RILPL1: variants seen among roughly 807,000 people sequenced by gnomAD.
RILPL1 encodes the protein Rab interacting lysosomal protein like 1.
RILPL1 carries 33 observed loss-of-function variants against 50.3 expected under a neutral mutation model. The ratio of observed to expected loss-of-function variants is 0.66; its 90% CI spans 0.50 to 0.88. The LOEUF (loss-of-function observed/expected upper bound fraction) is 0.88. RILPL1 is among the 40% of genes least tolerant of loss of function. The pLI, the probability that RILPL1 is intolerant of heterozygous loss-of-function variation, is 0.00. For synonymous variants in RILPL1, 205 were observed against 228.6 expected (o/e 0.90, Z 0.93); for missense variants, 418 against 542.5 (o/e 0.77, Z 2.28).
chr12:123,484,984 A>T (rs571426663), intron 5 of RILPL1: 3 of 368,036 alleles, frequency 8.2e-6, no homozygotes, highest in Admixed American at 6.2e-5. Context: ...CATCCAGTAT[A>T]CAGTCAGTAA....
intron 6 of RILPL1, chr12:123,475,518 C>T (rs539655080): frequency 1.5e-6 from 1 of 648,852 alleles, no homozygotes; most frequent in South Asian, 1.7e-5. Flanking sequence ...TGAAATCACA[C>T]TCAACATCCA....
At chr12:123,508,693 C>A (rs771230944) in intron 2 of RILPL1, among the ~76,000 whole-genome samples, 5 of 152,012 alleles carry the variant, frequency 3.3e-5, no homozygotes, top group Non-Finnish European at 5.9e-5. Context: ...TCACTTCACT[C>A]TAAGTTATAC....
At chr12:123,523,725 T>C (rs1885153045) in intron 1 of RILPL1, 80 bp from the exon 2 acceptor site, 4 of 1,508,678 alleles carry the variant, frequency 2.7e-6, no homozygotes, top group Admixed American at 4.6e-5. Context: ...CAGGGGCAGC[T>C]TGGGTTGCTG....
intron 4 of RILPL1, among the ~76,000 whole-genome samples, chr12:123,487,445 T>C (rs1391008368): frequency 1.3e-5 from 2 of 152,132 alleles, no homozygotes. Context: ...TAGCTGGGAA[T>C]ACAGGCACCC....
At chr12:123,483,317 G>A (rs1882120650) in intron 6 of RILPL1, among the ~76,000 whole-genome samples, 1 of 152,192 alleles carries the variant, frequency 6.6e-6, no homozygotes, top group African/African-American at 2.4e-5. Context: ...CCTCTTATTA[G>A]CTGAATGACC....
chr12:123,525,550 A>C (rs1885219221), intron 1 of RILPL1, among the ~76,000 whole-genome samples: 1 of 151,052 alleles, frequency 6.6e-6, no homozygotes, highest in Non-Finnish European at 1.5e-5. Context: ...AAATACAAAA[A>C]ATTAGCCGGG....
intron 1 of RILPL1, among the ~76,000 whole-genome samples, chr12:123,524,537 T>A (rs1885181565): frequency 6.6e-6 from 1 of 152,026 alleles, no homozygotes; most frequent in South Asian, 2.1e-4. Flanking sequence ...CAAGTGTCCA[T>A]CAGCTGATGA....
At chr12:123,519,454 A>C (rs979699120) in intron 2 of RILPL1, 3 of 152,298 alleles carry the variant, frequency 2.0e-5, no homozygotes, top group East Asian at 1.9e-4. Context: ...GGTGCCTCTG[A>C]GCACAGTGTC....
chr12:123,472,550 C>T lies in RILPL1; in HGVS notation c.1200G>A (p.Leu400=). The change falls in exon 7 of 7, where the codon CTG becomes CTA. Residue 400 remains leucine (L), a synonymous_variant. Transcript: ENST00000376874. ...AGATGGGCCAAGGTCACAGATGCTG[C>T]AGGGCTTCCTGTCCTTGCTCTGTGT... ...DGYTEQGQEA[L]QHL is the part of the protein sequence containing the mutation. 6.4e-7 allele frequency: 1 copy of T among 1,551,734 alleles called. No homozygotes were observed. Among genetic ancestry groups the T allele is most frequent in the Non-Finnish European group, 8.7e-7 (1 of 1,147,204 alleles).
chr12:123,484,908 C>G (rs980546062), intron 5 of RILPL1: 2 of 272,954 alleles, frequency 7.3e-6, no homozygotes, highest in Admixed American at 8.1e-5. Flanking sequence ...ATCCGCCTGC[C>G]TCGGCCTCGC....
chr12:123,513,461 C>G (rs1884510403), intron 2 of RILPL1: 1 of 256,164 alleles, frequency 3.9e-6, no homozygotes, highest in Non-Finnish European at 8.4e-6. Context: ...CCAGCAGCCT[C>G]ATCACCTTCC....
At chr12:123,493,609 A>G (rs1882836324) in intron 4 of RILPL1, among the ~76,000 whole-genome samples, 1 of 152,080 alleles carries the variant, frequency 6.6e-6, no homozygotes, top group Admixed American at 6.6e-5. Context: ...GCAACCCTCC[A>G]TAGCTCTCAT....
intron 6 of RILPL1, among the ~76,000 whole-genome samples, chr12:123,479,280 G>A (rs1036530282): frequency 6.6e-6 from 1 of 152,076 alleles, no homozygotes; most frequent in African/African-American, 2.4e-5. Context: ...TTTAGTTCAA[G>A]TACTCTAAGC....
intron 2 of RILPL1, among the ~76,000 whole-genome samples, chr12:123,512,006 TG>T (rs1307090957): frequency 7.0e-6 from 1 of 143,678 alleles, no homozygotes; most frequent in African/African-American, 2.6e-5. Flanking sequence ...GAGATCTGTA[TG>T]TGTGAGGTCT....
Position 123,533,270 on chromosome 12 carries a change from G to C in RILPL1, c.213C>G (p.His71Gln), listed in dbSNP as rs1885507604. The change falls in exon 1 of 7, where the codon CAC becomes CAG. Residue 71 changes from histidine to glutamine, a missense_variant. By Grantham distance (24) the His-to-Gln change is conservative (BLOSUM62 0). Transcript: ENST00000376874. This position sits in a 1 kb window ranked among gnomAD's most constrained non-coding sequence, Gnocchi z 6.2. ...GCTCGTCCAGCTCGGGCGCGACGTG[G>C]TGGCGGCTGACCAGCACCTCCAGGA... The part of the protein sequence containing the change: ...LEILEVLVSR[H>Q]HVAPELDELR... The C allele has an allele frequency of 1.9e-6, 3 of 1,588,876 alleles. No individual in the cohort carries two copies. The highest frequency in any genetic ancestry group is 1.7e-4 in the Middle Eastern group (1 of 6,060).
At chr12:123,496,034 CAG>C (rs903923029) in intron 4 of RILPL1, among the ~76,000 whole-genome samples, 5 of 150,692 alleles carry the variant, frequency 3.3e-5, no homozygotes, top group Admixed American at 1.3e-4. Flanking sequence ...TTTTTTGAGA[CAG>C]AGTCTCACCC....
intron 6 of RILPL1, among the ~76,000 whole-genome samples, chr12:123,478,984 T>G (rs1881784636): frequency 6.6e-6 from 1 of 152,184 alleles, no homozygotes; most frequent in African/African-American, 2.4e-5. Context: ...CTGTTTTGAC[T>G]GGCAGCAAAA....
At chr12:123,523,682 GC>G in intron 1 of RILPL1, 37 bp from the exon 2 acceptor site, 1 of 1,593,090 alleles carries the variant, frequency 6.3e-7, no homozygotes, top group East Asian at 2.3e-5. Flanking sequence ...GTCACTGCCT[GC>G]CCAGAGCAGC....
intron 6 of RILPL1, among the ~76,000 whole-genome samples, chr12:123,480,613 T>A (rs1411136594): frequency 6.6e-6 from 1 of 151,904 alleles, no homozygotes; most frequent in Non-Finnish European, 1.5e-5. Context: ...AAGCTGTAGC[T>A]ATCAAAGCAT....
Sources: allele counts gnomAD v4.1 joint callset (sites outside exome capture counted in the v4.1 genomes callset), GRCh38; gene constraint gnomAD v4.1.1; non-coding constraint Gnocchi (gnomAD v3.1); transcripts MANE v1.5; gene names NCBI Gene and HGNC (gene_info 2026-07-23, HGNC 2026-07-21).